ACSS2: variants seen among roughly 807,000 people sequenced by gnomAD.
ACSS2 encodes the protein acetyl-coenzyme A synthetase, cytoplasmic.
A neutral mutation model predicts 90.6 loss-of-function variants in ACSS2; 58 were observed. That is an observed-to-expected ratio of 0.64 (90% CI 0.52 to 0.80). The LOEUF (loss-of-function observed/expected upper bound fraction) is 0.80, where lower values mean the gene tolerates loss of function less well. ACSS2 is among the 30% of genes least tolerant of loss of function. The pLI is 0.00. For synonymous variants in ACSS2, 300 were observed against 330.9 expected (o/e 0.91, Z 1.01); for missense variants, 759 against 912.0 (o/e 0.83, Z 2.16).
At chr20:34,914,540 A>G in intron 7 of ACSS2, 103 bp downstream of exon 7, 1 of 1,009,566 alleles carries the variant, frequency 9.9e-7, no homozygotes, top group Non-Finnish European at 1.4e-6. Context: ...CAGTATACTG[A>G]GGATCCAGGA....
In ACSS2 at chr20:34,921,882, T is replaced by C; in HGVS notation, c.1548+16T>C. On this transcript the variant is annotated intron_variant, in intron 13 of 17. Transcript: ENST00000360596. The stretch of plus-strand genomic sequence containing the variant: ...AGGTTATCTGGTGAGGCCCTGGCCC[T>C]TGGGAGTCTTTAAGGAGAGAGGGAA... 4 of 1,606,062 alleles carry C rather than the reference T, an allele frequency of 2.5e-6. No individual in the cohort carries two copies. The highest frequency in any genetic ancestry group is 1.7e-5 in the Admixed American group (1 of 57,502).
At chr20:34,923,550 A>G in intron 14 of ACSS2, 119 bp downstream of exon 14, 9 of 749,108 alleles carry the variant, frequency 1.2e-5, no homozygotes, top group Non-Finnish European at 1.8e-5. Flanking sequence ...TGATTTATAA[A>G]GAAAAGAGGT....
chr20:34,899,497 GT>G (rs1035304344), intron 2 of ACSS2, among the ~76,000 whole-genome samples: 3 of 68,154 alleles, frequency 4.4e-5, no homozygotes, highest in South Asian at 4.2e-4. Context: ...TTTCTTTTTT[GT>G]TTTTTTTTGA....
intron 15 of ACSS2, 151 bp downstream of exon 15, chr20:34,925,917 A>G (rs527787425): frequency 3.7e-6 from 4 of 1,076,618 alleles, no homozygotes; most frequent in Middle Eastern, 3.0e-4. Context: ...TAGAGGAGTA[A>G]TGAACACTGG....
intron 2 of ACSS2, among the ~76,000 whole-genome samples, chr20:34,904,073 A>G (rs947572424): frequency 2.0e-5 from 3 of 152,076 alleles, no homozygotes; most frequent in African/African-American, 7.2e-5. Flanking sequence ...AATAAATATA[A>G]TAAAAGCTAG....
chr20:34,924,959 G>A (rs1203518922), intron 14 of ACSS2, among the ~76,000 whole-genome samples: 1 of 152,094 alleles, frequency 6.6e-6, no homozygotes, highest in Non-Finnish European at 1.5e-5. Flanking sequence ...CAAAGTGCTG[G>A]GATTACAGGC....
At chr20:34,903,883 A>C (rs879339491) in intron 2 of ACSS2, among the ~76,000 whole-genome samples, 1,601 of 151,848 alleles carry the variant, frequency 0.011, 37 homozygotes, top group African/African-American at 0.036. Context: ...AAAAAAAAAA[A>C]AAAAAAAAAG....
At chr20:34,900,896 A>C (rs1015892767) in intron 2 of ACSS2, among the ~76,000 whole-genome samples, 1 of 152,196 alleles carries the variant, frequency 6.6e-6, no homozygotes, top group Non-Finnish European at 1.5e-5. Flanking sequence ...GAATTTGGAA[A>C]CAATACCCCC....
intron 1 of ACSS2, among the ~76,000 whole-genome samples, chr20:34,877,913 T>C (rs183620816): frequency 8.7e-5 from 11 of 126,684 alleles, no homozygotes; most frequent in East Asian, 6.1e-4. Context: ...GATAGACAGA[T>C]AGATAGATAG....
intron 2 of ACSS2, among the ~76,000 whole-genome samples, chr20:34,910,222 A>G (rs2080919427): frequency 6.6e-6 from 1 of 152,336 alleles, no homozygotes. Context: ...ATTAAAGATC[A>G]TAATGATACA....
chr20:34,907,221 G>A (rs1247972937), intron 2 of ACSS2, among the ~76,000 whole-genome samples: 1 of 151,652 alleles, frequency 6.6e-6, no homozygotes, highest in East Asian at 2.0e-4. Context: ...GGGCTCAGGT[G>A]ATCCTCCCAC....
chr20:34,897,979 T>C (rs996879085), intron 2 of ACSS2, among the ~76,000 whole-genome samples: 2 of 152,214 alleles, frequency 1.3e-5, no homozygotes, highest in Non-Finnish European at 2.9e-5. Flanking sequence ...CCGTGGACCC[T>C]CACGGTGAGT....
chr20:34,904,264 G>T (rs2080744382), intron 2 of ACSS2, among the ~76,000 whole-genome samples: 1 of 151,602 alleles, frequency 6.6e-6, no homozygotes, highest in Admixed American at 6.6e-5. Context: ...GGTGATCAAA[G>T]ATAACCTTAC....
At chr20:34,923,815 C>G (rs921186963) in intron 14 of ACSS2, among the ~76,000 whole-genome samples, 45 of 146,184 alleles carry the variant, frequency 3.1e-4, no homozygotes, top group Admixed American at 2.6e-3. Context: ...CCCCGCCCCC[C>G]CCACCTCCCC....
upstream of ACSS2, among the ~76,000 whole-genome samples, chr20:34,876,205 A>C (rs1418352205): frequency 6.7e-6 from 1 of 149,632 alleles, no homozygotes; most frequent in Non-Finnish European, 1.5e-5. Context: ...ACCCCACCCC[A>C]CTCTGGTCAC....
At chr20:34,878,304 C>A (rs528727934) in intron 1 of ACSS2, among the ~76,000 whole-genome samples, 2 of 152,122 alleles carry the variant, frequency 1.3e-5, no homozygotes, top group African/African-American at 4.8e-5. Context: ...ACATGGGCCA[C>A]GAATCAAATC....
At chr20:34,889,192 C>T (rs796156266) in intron 2 of ACSS2, among the ~76,000 whole-genome samples, 36 of 151,926 alleles carry the variant, frequency 2.4e-4, no homozygotes, top group African/African-American at 8.0e-4. Flanking sequence ...GCACAATCTT[C>T]GCTCACTGCA....
chr20:34,921,830 C>G lies in ACSS2; in HGVS notation c.1512C>G (p.Ser504=), dbSNP rs368828202. 3.7e-6 allele frequency: 6 copies of G among 1,614,012 alleles called. 1 individual carries two copies. Among genetic ancestry groups the G allele is most frequent in the Non-Finnish European group, 3.4e-6 (4 of 1,179,950 alleles). ...FGVAPAILNE[S]GEELEGEAEG... ...TAGCTCCTGCAATCCTGAATGAGTC[C>G]GGGGAAGAGTTGGAAGGTGAAGCTG... Residue 504 remains serine (S), a synonymous_variant, in exon 13 of 18, where the codon TCC becomes TCG. Coordinates refer to ENST00000360596, the MANE Select transcript of ACSS2 (RefSeq NM_018677.4).
chr20:34,926,784 G>C, intron 16 of ACSS2, 93 bp from the exon 17 acceptor site: 1 of 1,295,222 alleles, frequency 7.7e-7, no homozygotes, highest in South Asian at 1.2e-5. Flanking sequence ...ACTTGAGGAG[G>C]AAACAGGTGG....
Sources: allele counts gnomAD v4.1 joint callset (sites outside exome capture counted in the v4.1 genomes callset), GRCh38; gene constraint gnomAD v4.1.1; transcripts MANE v1.5; gene names NCBI Gene and HGNC (gene_info 2026-07-23, HGNC 2026-07-21).